AOAH: variants seen among roughly 807,000 people sequenced by gnomAD.
AOAH encodes the protein acyloxyacyl hydrolase, also known as acyloxyacyl hydrolase (neutrophil).
A neutral mutation model predicts 92.2 loss-of-function variants in AOAH; 64 were observed. The observed-to-expected ratio is 0.69, with a 90% CI of 0.57 to 0.86. The LOEUF (loss-of-function observed/expected upper bound fraction) is 0.86, where lower values mean the gene tolerates loss of function less well. AOAH is among the 40% of genes least tolerant of loss of function. The pLI is 0.00. For synonymous variants in AOAH, 263 were observed against 254.5 expected (o/e 1.03, Z -0.32); for missense variants, 656 against 694.6 (o/e 0.94, Z 0.62).
chr7:36,591,976 T>G (rs184113581), intron 12 of AOAH, among the ~76,000 whole-genome samples: 1 of 152,354 alleles, frequency 6.6e-6, no homozygotes, highest in East Asian at 1.9e-4. Context: ...ACTTGGAAAT[T>G]AATTTTAAAT....
chr7:36,694,867 T>C (rs1439291713), intron 1 of AOAH, among the ~76,000 whole-genome samples: 1 of 152,108 alleles, frequency 6.6e-6, no homozygotes, highest in Non-Finnish European at 1.5e-5. Flanking sequence ...GATAGATTGA[T>C]GGATGAATGG....
At chr7:36,641,811 C>T (rs1793940074) in intron 4 of AOAH, among the ~76,000 whole-genome samples, 1 of 152,178 alleles carries the variant, frequency 6.6e-6, no homozygotes, top group Admixed American at 6.5e-5. Flanking sequence ...TGCCATGCTA[C>T]CTTAGAAGAA....
intron 12 of AOAH, among the ~76,000 whole-genome samples, chr7:36,577,695 CA>C (rs1788621299): frequency 6.6e-6 from 1 of 152,056 alleles, no homozygotes; most frequent in Non-Finnish European, 1.5e-5. Context: ...TTAATTAATG[CA>C]ACAAAATTTA....
intron 6 of AOAH, 107 bp from the exon 7 acceptor site, chr7:36,623,357 C>T: frequency 1.1e-6 from 1 of 932,578 alleles, no homozygotes; most frequent in East Asian, 2.6e-5. Context: ...GAGTTTATGC[C>T]ACAGAGGGCC....
intron 14 of AOAH, 43 bp from the exon 15 acceptor site, chr7:36,548,729 A>C (rs779955708): frequency 5.1e-6 from 8 of 1,570,722 alleles, no homozygotes; most frequent in Non-Finnish European, 6.1e-6. Context: ...ATACTTGGAA[A>C]CCTAGCTTTG....
intron 7 of AOAH, among the ~76,000 whole-genome samples, chr7:36,622,811 C>T (rs373673930): frequency 2.6e-5 from 4 of 151,922 alleles, no homozygotes; most frequent in Non-Finnish European, 2.9e-5. Context: ...TTTGGGAGGC[C>T]GAGGTGGACA....
chr7:36,706,826 T>A (rs2116931109), intron 1 of AOAH, among the ~76,000 whole-genome samples: 1 of 152,272 alleles, frequency 6.6e-6, no homozygotes, highest in Admixed American at 6.5e-5. Context: ...GATAGTTTTA[T>A]ACTTTTTTTC....
At chr7:36,722,823 A>G (rs1370571300) in intron 1 of AOAH, among the ~76,000 whole-genome samples, 1 of 150,162 alleles carries the variant, frequency 6.7e-6, no homozygotes. Context: ...AATCCCAGCT[A>G]CTCCGAAGGC....
At chr7:36,670,685 C>T (rs926380713) in intron 3 of AOAH, among the ~76,000 whole-genome samples, 1 of 152,140 alleles carries the variant, frequency 6.6e-6, no homozygotes, top group African/African-American at 2.4e-5. Flanking sequence ...CCATGTTGGC[C>T]AGGATGCTCT....
At chr7:36,622,630 A>G (rs1445995709) in intron 7 of AOAH, among the ~76,000 whole-genome samples, 2 of 152,210 alleles carry the variant, frequency 1.3e-5, no homozygotes, top group Non-Finnish European at 2.9e-5. Flanking sequence ...AATTCACAAA[A>G]CCTTTCAAGG....
intron 8 of AOAH, among the ~76,000 whole-genome samples, chr7:36,621,362 C>G (rs1962611): frequency 1.3e-5 from 2 of 152,100 alleles, no homozygotes; most frequent in Non-Finnish European, 2.9e-5. Context: ...CAATTCTGCA[C>G]GGAGAACTGA....
intron 1 of AOAH, among the ~76,000 whole-genome samples, chr7:36,693,949 C>A (rs114261291): frequency 0.015 from 2,262 of 152,262 alleles, 61 homozygotes; most frequent in African/African-American, 0.052. Context: ...TCACAGAATT[C>A]TTTGAACTTC....
intron 8 of AOAH, among the ~76,000 whole-genome samples, 174 bp downstream of exon 8, chr7:36,621,536 G>T (rs747284551): frequency 6.6e-6 from 1 of 152,118 alleles, no homozygotes; most frequent in Non-Finnish European, 1.5e-5. Flanking sequence ...AGCATTTCTC[G>T]GACAAACGAA....
intron 1 of AOAH, among the ~76,000 whole-genome samples, chr7:36,716,528 G>A (rs1443911459): frequency 6.7e-6 from 1 of 149,284 alleles, no homozygotes; most frequent in Non-Finnish European, 1.5e-5. Flanking sequence ...GCACACGTAT[G>A]TTTATTGCGG....
intron 6 of AOAH, among the ~76,000 whole-genome samples, chr7:36,627,087 C>T (rs1792716153): frequency 6.6e-6 from 1 of 152,138 alleles, no homozygotes; most frequent in Non-Finnish European, 1.5e-5. Context: ...CTGCTGTGTG[C>T]TGGGAATCAT....
At chr7:36,690,774 G>C (rs1200122994) in intron 1 of AOAH, among the ~76,000 whole-genome samples, 1 of 152,104 alleles carries the variant, frequency 6.6e-6, no homozygotes, top group Non-Finnish European at 1.5e-5. Flanking sequence ...AAAATAATGA[G>C]TACAATAGAA....
At chr7:36,654,231 G>C (rs958577811) in intron 4 of AOAH, among the ~76,000 whole-genome samples, 6 of 152,144 alleles carry the variant, frequency 3.9e-5, no homozygotes, top group African/African-American at 1.4e-4. Context: ...AAAACCACCT[G>C]GGTGGTCTTT....
At chr7:36,619,360 T>A (rs1324243518) in intron 9 of AOAH, among the ~76,000 whole-genome samples, 1 of 152,174 alleles carries the variant, frequency 6.6e-6, no homozygotes, top group East Asian at 1.9e-4. Flanking sequence ...GCATCTTGCC[T>A]CCCTGAGCTC....
In AOAH at chr7:36,532,348, G is replaced by A. The variant is rs79033303; in HGVS notation, c.1307-4C>T. The A allele has an allele frequency of 6.2e-7, 1 of 1,613,330 alleles. No individual in the cohort carries two copies. Among genetic ancestry groups the A allele is most frequent in the East Asian group, 2.2e-5 (1 of 44,892 alleles). On this transcript the variant is annotated splice_polypyrimidine_tract_variant and splice_region_variant and intron_variant, in intron 16 of 20. Coordinates refer to ENST00000617537, the MANE Select transcript of AOAH (RefSeq NM_001637.4). ...GTCATGTCTTTATTTAGCTGGCCTG[G>A]AAAACAGAGAGGTCTGGTAGATTGC...
Sources: gnomAD v4.1 joint callset for allele counts (sites outside exome capture counted in the v4.1 genomes callset) on GRCh38, gnomAD v4.1.1 for gene constraint, MANE v1.5 for transcripts, NCBI Gene and HGNC (gene_info 2026-07-23, HGNC 2026-07-21) for gene names.